ETFBKMT: variants seen among roughly 807,000 people sequenced by gnomAD.
ETFBKMT encodes electron transfer flavoprotein beta subunit lysine methyltransferase.
ETFBKMT carries 13 observed loss-of-function variants against 18.3 expected under a neutral mutation model. That is an observed-to-expected ratio of 0.71 (90% CI 0.46 to 1.13). The LOEUF (loss-of-function observed/expected upper bound fraction) is 1.13, where lower values mean the gene tolerates loss of function less well. Among genes scored for constraint, ETFBKMT ranks in the 50% most tolerant of loss-of-function variants. ETFBKMT has a pLI of 0.00. For synonymous variants in ETFBKMT, 84 were observed against 107.9 expected (o/e 0.78, Z 1.37); for missense variants, 293 against 306.2 (o/e 0.96, Z 0.32).
Position 31,672,721 on chromosome 12 carries a change from C to A in ETFBKMT, c.*4731C>A. 1 of 181,918 alleles carries A rather than the reference C, an allele frequency of 5.5e-6. No homozygotes were observed. The highest frequency in any genetic ancestry group is 1.2e-4 in the South Asian group (1 of 8,356). The allele number at this position is 181,918 out of a possible 1,614,324, so 11.3% of individuals were successfully genotyped here. ...TAATAACTTTTTTCAGGATCTTAGC[C>A]GGAAATAGATGATTCACTAAAGTGG... On this transcript the variant is annotated 3_prime_UTR_variant, in exon 4 of 4. Transcript: ENST00000357721.
chr12:31,654,313 G>A (rs902811673), upstream of ETFBKMT, among the ~76,000 whole-genome samples: 3 of 152,198 alleles, frequency 2.0e-5, no homozygotes, highest in Admixed American at 6.5e-5. Flanking sequence ...GCCTCCCAAA[G>A]TGCTGGGATT....
chr12:31,672,614 T>C lies in ETFBKMT; in HGVS notation c.*4624T>C. On this transcript the variant is annotated 3_prime_UTR_variant, in exon 4 of 4. Coordinates refer to ENST00000357721, the MANE Select transcript of ETFBKMT (RefSeq NM_001135863.2). ...CTTGTTTAAAAAAAAAAAACAGGCA[T>C]TTGTTGTTTTCTCTGTAATTTCATC... 1 of 368,132 alleles carries C rather than the reference T, an allele frequency of 2.7e-6. No homozygotes were observed. Among genetic ancestry groups the C allele is most frequent in the Non-Finnish European group, 5.0e-6 (1 of 201,962 alleles). The allele number at this position is 368,132 out of a possible 1,614,324, so 22.8% of individuals were successfully genotyped here. A position where few individuals can be genotyped will look rare whatever the true frequency, so the allele number is the denominator to read the frequency against.
chr12:31,661,549 C>T (rs1951123927), intron 1 of ETFBKMT, among the ~76,000 whole-genome samples: 1 of 151,908 alleles, frequency 6.6e-6, no homozygotes, highest in Non-Finnish European at 1.5e-5. Flanking sequence ...GATCTCGGCA[C>T]ACTGCAACCT....
Position 31,662,177 on chromosome 12 carries a change from G to C in ETFBKMT, c.224G>C (p.Arg75Thr). The change falls in exon 2 of 4, where the codon AGA becomes ACA. Residue 75 changes from arginine to threonine, a missense_variant. By Grantham distance (71) the Arg-to-Thr change is moderately conservative (BLOSUM62 -1). Transcript: ENST00000357721. The stretch of plus-strand genomic sequence containing the variant: ...ATCCAGTTGCGGCTTTTGACCCCCA[G>C]ATGCAAATTCTGGTGGGAGAGAGCT... Reference protein sequence around the residue: ...PEIQLRLLTPRCKFWWERADL... With the variant: ...PEIQLRLLTPTCKFWWERADL... 1.9e-6 allele frequency: 3 copies of C among 1,614,224 alleles called. No homozygotes were observed. Among genetic ancestry groups the C allele is most frequent in the South Asian group, 1.1e-5 (1 of 91,092 alleles).
At chr12:31,663,571 G>A (rs1371803858) in intron 2 of ETFBKMT, among the ~76,000 whole-genome samples, 2 of 152,210 alleles carry the variant, frequency 1.3e-5, no homozygotes, top group Admixed American at 6.5e-5. Flanking sequence ...CTTTGCCATA[G>A]TGTTAACTGG....
intron 1 of ETFBKMT, among the ~76,000 whole-genome samples, chr12:31,648,187 G>C (rs2139605464): frequency 6.6e-6 from 1 of 152,286 alleles, no homozygotes; most frequent in Admixed American, 6.5e-5. Flanking sequence ...ATATTATTTA[G>C]CCACAAAAGG....
At chr12:31,661,071 A>G (rs1951116670) in intron 1 of ETFBKMT, 2 of 152,242 alleles carry the variant, frequency 1.3e-5, no homozygotes, top group Non-Finnish European at 2.9e-5. Context: ...CTACTTATAT[A>G]GCATTTACGT....
chr12:31,656,289 G>T (rs1175754014), upstream of ETFBKMT, among the ~76,000 whole-genome samples: 1 of 152,182 alleles, frequency 6.6e-6, no homozygotes, highest in African/African-American at 2.4e-5. Context: ...AGGTGGTTTG[G>T]ACAGTGAGGA....
chr12:31,656,172 C>G (rs1422120301), upstream of ETFBKMT, among the ~76,000 whole-genome samples: 1 of 152,078 alleles, frequency 6.6e-6, no homozygotes, highest in African/African-American at 2.4e-5. Context: ...GCTTGTTGTA[C>G]ATGCCCATAG....
In ETFBKMT at chr12:31,672,350, A is replaced by C; in HGVS notation, c.*4360A>C. 1 of 1,577,960 alleles carries C rather than the reference A, an allele frequency of 6.3e-7. No individual in the cohort carries two copies. Among genetic ancestry groups the C allele is most frequent in the Non-Finnish European group, 8.6e-7 (1 of 1,159,800 alleles). ...TTGCTTTAGTTTGTTTGGGCCTACT[A>C]ATTGCTCCAACACTTCTCGGGAATG... On this transcript the variant is annotated 3_prime_UTR_variant, in exon 4 of 4. Transcript: ENST00000357721.
At position 31,667,826 on chromosome 12, in the gene ETFBKMT, AC is replaced by A; in HGVS notation, c.627del (p.Tyr210IlefsTer6). The A allele has an allele frequency of 6.2e-7, 1 of 1,614,200 alleles. No individual in the cohort carries two copies. Among genetic ancestry groups the A allele is most frequent in the East Asian group, 2.2e-5 (1 of 44,890 alleles). On this transcript the variant is annotated frameshift_variant, in exon 4 of 4. Coordinates refer to ENST00000357721, the MANE Select transcript of ETFBKMT (RefSeq NM_001135863.2). LOFTEE classifies it high-confidence loss of function. ...LHQWLKKCFWTYRTRVLIGDP... is the reference protein window; with the variant it reads ...LHQWLKKCFWXYRTRVLIGDP... Reference sequence around the variant, plus strand: ...TCAGTGGCTGAAGAAGTGCTTCTGGACCTATAGAACTCGAGTACTGATTGGT... The same window carrying A: ...TCAGTGGCTGAAGAAGTGCTTCTGGACTATAGAACTCGAGTACTGATTGGT...
upstream of ETFBKMT, chr12:31,659,187 G>A (rs1266268457): frequency 6.6e-6 from 1 of 152,254 alleles, no homozygotes; most frequent in Non-Finnish European, 1.5e-5. Context: ...AAAGGGCGGG[G>A]CCGCGAGGGG....
In ETFBKMT at chr12:31,672,343, GC is replaced by G. The variant is rs1565756170; in HGVS notation, c.*4355del. On this transcript the variant is annotated 3_prime_UTR_variant, in exon 4 of 4. Coordinates refer to ENST00000357721, the MANE Select transcript of ETFBKMT (RefSeq NM_001135863.2). ...ATGTCACTTGCTTTAGTTTGTTTGG[GC>G]CTACTAATTGCTCCAACACTTCTCG... 6.3e-7 allele frequency: 1 copy of G among 1,579,272 alleles called. No homozygotes were observed. The highest frequency in any genetic ancestry group is 8.6e-7 in the Non-Finnish European group (1 of 1,160,696).
At chr12:31,653,957 AAAG>A (rs1274974615) in intron 1 of ETFBKMT, among the ~76,000 whole-genome samples, 1 of 152,232 alleles carries the variant, frequency 6.6e-6, no homozygotes, top group Non-Finnish European at 1.5e-5. Context: ...CAAAAAAAAT[AAAG>A]AAGACAAATA....
chr12:31,663,178 C>T (rs1278587673), intron 2 of ETFBKMT, among the ~76,000 whole-genome samples: 8 of 151,242 alleles, frequency 5.3e-5, no homozygotes, highest in Non-Finnish European at 7.4e-5. Context: ...CTGCAAGCCC[C>T]GCCTCCCGGG....
rs1408043289 is a variant in ETFBKMT, at chr12:31,669,572, G to A, written c.*1582G>A. 1 of 152,212 alleles carries A rather than the reference G, an allele frequency of 6.6e-6. No individual in the cohort carries two copies. Among genetic ancestry groups the A allele is most frequent in the African/African-American group, 2.4e-5 (1 of 41,434 alleles). 9.4% of individuals were successfully genotyped at this position (152,212 alleles called of 1,614,324 possible). A position where few individuals can be genotyped will look rare whatever the true frequency, so the allele number is the denominator to read the frequency against. On this transcript the variant is annotated 3_prime_UTR_variant, in exon 4 of 4. Transcript: ENST00000357721. ...TTTCCCTATCCTCATACCAGAAGAG[G>A]GGATTTTTCTCTGATCCTCACCCTG...
At position 31,666,138 on chromosome 12, in the gene ETFBKMT, TG is replaced by T; in HGVS notation, c.369del (p.Ser124ValfsTer12). Reference sequence around the variant, plus strand: ...TCAGAGGAAAATCTGTATTAGATCTTGGGAGTGGATGTGGAGCTACAGCTAT... The same window carrying T: ...TCAGAGGAAAATCTGTATTAGATCTTGGAGTGGATGTGGAGCTACAGCTAT... The part of the protein sequence containing the change: ...VVRGKSVLDL[G>X]SGCGATAIAA... On this transcript the variant is annotated frameshift_variant, in exon 3 of 4. Transcript: ENST00000357721. LOFTEE classifies it high-confidence loss of function. 1 of 1,614,010 alleles carries T rather than the reference TG, an allele frequency of 6.2e-7. No homozygotes were observed.
chr12:31,662,957 T>C (rs1951145700), intron 2 of ETFBKMT, among the ~76,000 whole-genome samples: 1 of 152,144 alleles, frequency 6.6e-6, no homozygotes, highest in African/African-American at 2.4e-5. Context: ...GAGTGGGCTG[T>C]TCAAAGTTTC....
At chr12:31,654,213 C>T (rs1374745391), upstream of ETFBKMT, among the ~76,000 whole-genome samples, 1 of 152,142 alleles carries the variant, frequency 6.6e-6, no homozygotes, top group Admixed American at 6.5e-5. Flanking sequence ...CCATGTCCGA[C>T]TAATTTTTGT....
Sources: gnomAD v4.1 joint callset for allele counts (sites outside exome capture counted in the v4.1 genomes callset) on GRCh38, gnomAD v4.1.1 for gene constraint, MANE v1.5 for transcripts, NCBI Gene and HGNC (gene_info 2026-07-23, HGNC 2026-07-21) for gene names.